The following SRPK2 variants were observed in gnomAD, a reference collection of about 807,000 sequenced individuals.
SRPK2 encodes the protein SRSF protein kinase 2, also known as SFRS protein kinase 2.
In SRPK2, 21 loss-of-function variants were observed where a neutral mutation model predicts 90.8. That is an observed-to-expected ratio of 0.23 (90% CI 0.16 to 0.33). SRPK2 has a LOEUF of 0.33. Ranked by LOEUF, SRPK2 falls within the 10% of genes least tolerant of loss-of-function variation. The pLI is 1.00. For synonymous variants in SRPK2, 288 were observed against 311.1 expected, an observed-to-expected ratio of 0.93 and a Z score of 0.78; for missense variants, 620 against 869.0, an observed-to-expected ratio of 0.71 and a Z score of 3.60.
chr7:105,233,091 A>AGAAGGAAGAAG (rs1799679765), intron 2 of SRPK2, among the ~76,000 whole-genome samples: 5 of 91,902 alleles, frequency 5.4e-5, no homozygotes, highest in African/African-American at 2.1e-4. Context: ...AAGGAAGGAA[A>AGAAGGAAGAAG]GAAGGAAGGA....
chr7:105,161,735 T>C (rs1563009923), intron 6 of SRPK2, among the ~76,000 whole-genome samples: 2 of 152,186 alleles, frequency 1.3e-5, no homozygotes. Context: ...ATAAAACACA[T>C]TATAAAATAA....
Position 105,305,481 on chromosome 7 carries a change from A to T in SRPK2, c.71+83167T>A, listed in dbSNP as rs996521244. On this transcript the variant is annotated intron_variant, in intron 2 of 15. Transcript: ENST00000393651. ...CTGCCTACTAGTTTATTATAACAGT[A>T]TACAAAAGACCAAGGAAATTGTAGA... Among the ~76,000 whole-genome samples the T allele has an allele frequency of 6.6e-5, 10 of 152,346 alleles. No individual in the cohort carries two copies. The East Asian group carries it at 9.6e-4, about 15-fold the overall frequency.
intron 2 of SRPK2, among the ~76,000 whole-genome samples, chr7:105,307,121 T>A (rs1200429713): frequency 6.6e-6 from 1 of 152,166 alleles, no homozygotes; most frequent in South Asian, 2.1e-4. Flanking sequence ...TGAACTACCT[T>A]GAAGGGAGAC....
At chr7:105,343,860 T>TCAAGCGATTCTCCTGCCTC (rs1437717453) in intron 2 of SRPK2, among the ~76,000 whole-genome samples, 3 of 152,126 alleles carry the variant, frequency 2.0e-5, no homozygotes, top group African/African-American at 7.2e-5. Flanking sequence ...CCTCCTGGGT[T>TCAAGCGATTCTCCTGCCTC]CAAGCGATTC....
intron 2 of SRPK2, among the ~76,000 whole-genome samples, chr7:105,236,504 T>C (rs1800160654): frequency 1.3e-5 from 2 of 152,114 alleles, no homozygotes; most frequent in African/African-American, 4.8e-5. Context: ...TCACCTCTGA[T>C]ATAATGGCAC....
intron 1 of SRPK2, among the ~76,000 whole-genome samples, chr7:105,396,686 T>C (rs1486624461): frequency 1.8e-5 from 2 of 112,936 alleles, no homozygotes; most frequent in African/African-American, 3.6e-5. Context: ...AGAAGAATAG[T>C]AGGAGGAGAA....
chr7:105,344,538 A>T (rs1816230377), intron 2 of SRPK2, among the ~76,000 whole-genome samples: 1 of 151,280 alleles, frequency 6.6e-6, no homozygotes, highest in Admixed American at 6.6e-5. Context: ...CTATGCACTG[A>T]AATCTGAATT....
chr7:105,121,560 A>G (rs1800387351), intron 15 of SRPK2, among the ~76,000 whole-genome samples: 1 of 152,182 alleles, frequency 6.6e-6, no homozygotes, highest in Non-Finnish European at 1.5e-5. Context: ...TCTCAGTATC[A>G]ACTCACACAC....
intron 7 of SRPK2, among the ~76,000 whole-genome samples, chr7:105,155,907 T>A (rs1806424368): frequency 6.6e-6 from 1 of 152,152 alleles, no homozygotes; most frequent in Non-Finnish European, 1.5e-5. Flanking sequence ...CAGTAAACAT[T>A]CATGAATGAA....
intron 2 of SRPK2, among the ~76,000 whole-genome samples, chr7:105,328,261 T>C (rs1813826820): frequency 6.6e-6 from 1 of 152,158 alleles, no homozygotes; most frequent in African/African-American, 2.4e-5. Flanking sequence ...CCAATGTATT[T>C]TTTAAAGCAC....
At chr7:105,333,953 G>A (rs759639769) in intron 2 of SRPK2, among the ~76,000 whole-genome samples, 16 of 151,942 alleles carry the variant, frequency 1.1e-4, no homozygotes, top group Non-Finnish European at 1.6e-4. Flanking sequence ...ACAGAGTTTC[G>A]CTCTTGTTGC....
chr7:105,222,330 C>T lies in SRPK2; in HGVS notation c.72-18545G>A, dbSNP rs761609286. The stretch of plus-strand genomic sequence containing the variant: ...TGCACAGACTTTAATAGAGAGACAT[C>T]GTACCAACAAAAGAATTGTTCCTCA... On this transcript the variant is annotated intron_variant, in intron 2 of 15. Transcript: ENST00000393651. Among the ~76,000 whole-genome samples, 7 of 152,164 alleles carry T rather than the reference C, an allele frequency of 4.6e-5. No homozygotes were observed. The East Asian group carries it at 9.6e-4, about 21-fold the overall frequency.
intron 2 of SRPK2, among the ~76,000 whole-genome samples, chr7:105,353,439 A>G (rs916786253): frequency 2.0e-5 from 3 of 152,078 alleles, no homozygotes; most frequent in Non-Finnish European, 4.4e-5. Flanking sequence ...TCCTGGGCTC[A>G]AGCAATCCTC....
intron 2 of SRPK2, among the ~76,000 whole-genome samples, chr7:105,337,983 T>C (rs1458158311): frequency 2.0e-5 from 3 of 152,096 alleles, no homozygotes; most frequent in Non-Finnish European, 1.5e-5. Flanking sequence ...TTGTTAAATT[T>C]AGGTGCCAAG....
chr7:105,276,477 C>T (rs1311373544), intron 2 of SRPK2, among the ~76,000 whole-genome samples: 3 of 151,712 alleles, frequency 2.0e-5, no homozygotes, highest in Non-Finnish European at 4.4e-5. Context: ...GTGGCTCACA[C>T]ATGTAATCCC....
chr7:105,149,373 T>C (rs551405188), intron 7 of SRPK2, among the ~76,000 whole-genome samples: 80 of 152,284 alleles, frequency 5.3e-4, no homozygotes, highest in Middle Eastern at 3.4e-3. Flanking sequence ...TCCCTTGAAC[T>C]TAATTATGAC....
chr7:105,309,100 C>G (rs779786590), intron 2 of SRPK2, among the ~76,000 whole-genome samples: 19 of 152,112 alleles, frequency 1.2e-4, no homozygotes, highest in Non-Finnish European at 2.5e-4. Flanking sequence ...ACAAACTTTG[C>G]ATACACTCAC....
At chr7:105,239,431 G>C (rs1285168709) in intron 2 of SRPK2, among the ~76,000 whole-genome samples, 1 of 152,142 alleles carries the variant, frequency 6.6e-6, no homozygotes, top group Non-Finnish European at 1.5e-5. Flanking sequence ...GAGAACAAAG[G>C]ACATTTTTCC....
intron 2 of SRPK2, among the ~76,000 whole-genome samples, chr7:105,347,584 C>T (rs892103046): frequency 3.9e-5 from 6 of 151,904 alleles, no homozygotes; most frequent in Non-Finnish European, 7.4e-5. Context: ...CTGGGCATGA[C>T]GGCCCATGCC....
Sources: gnomAD v4.1 joint callset for allele counts (sites outside exome capture counted in the v4.1 genomes callset) on GRCh38, gnomAD v4.1.1 for gene constraint, MANE v1.5 for transcripts, NCBI Gene and HGNC (gene_info 2026-07-23, HGNC 2026-07-21) for gene names.